The following ADGRD1 variants were observed in gnomAD, a reference collection of about 807,000 sequenced individuals.
ADGRD1 encodes G-protein coupled receptor 133.
Under a neutral mutation model 113.4 loss-of-function variants are expected in ADGRD1, and 77 were observed. The observed-to-expected ratio is 0.68, with a 90% CI of 0.57 to 0.82. ADGRD1 has a LOEUF of 0.82. Among genes scored for constraint, ADGRD1 ranks in the 40% least tolerant of loss-of-function variants. The pLI, the probability that ADGRD1 is intolerant of heterozygous loss-of-function variation, is 0.00. For missense variants in ADGRD1, 1,036 were observed against 1,139.1 expected (o/e 0.91, Z 1.30); for synonymous variants, 474 against 475.0 (o/e 1.00, Z 0.03).
rs1444852967 is a variant in ADGRD1, at chr12:131,017,361, CCAGTGCACA to C, written c.1473+3026_1473+3034del. Among the ~76,000 whole-genome samples, 293 of 143,922 alleles carry C rather than the reference CCAGTGCACA, an allele frequency of 2.0e-3. 15 individuals carry two copies. The highest frequency in any genetic ancestry group is 7.4e-3 in the African/African-American group (278 of 37,496). 94.4% of individuals were successfully genotyped at this position (143,922 alleles called of 152,430 possible). ...CCACACACACCCAGTCCACACACAC[CCAGTGCACA>C]CAGTCCACACACACCCAGTCCACAT... On this transcript the variant is annotated intron_variant, in intron 13 of 24. Transcript: ENST00000261654.
intron 13 of ADGRD1, among the ~76,000 whole-genome samples, chr12:131,046,437 GT>G (rs1422183923): frequency 9.6e-6 from 1 of 103,818 alleles, no homozygotes. Flanking sequence ...CCTGGTCAGT[GT>G]CCTCTCTCCC....
chr12:131,038,390 C>T (rs535040890), intron 13 of ADGRD1, among the ~76,000 whole-genome samples: 2 of 152,364 alleles, frequency 1.3e-5, no homozygotes, highest in African/African-American at 2.4e-5. Flanking sequence ...CTGCCACCTC[C>T]GGGTTGTTAG....
At position 131,084,434 on chromosome 12, in the gene ADGRD1, C is replaced by T. The variant is rs976302480; in HGVS notation, c.1548-106C>T. On this transcript the variant is annotated intron_variant, in intron 14 of 24. Coordinates refer to ENST00000261654, the MANE Select transcript of ADGRD1 (RefSeq NM_198827.5). The surrounding 1 kb of genome is among the most constrained non-coding windows in gnomAD (Gnocchi z 4.5). ...TTCCTGGCGTGGCAGGTGTGGGCGC[C>T]GCCATGAGTTCACGGGGCCATGTGT... The T allele has an allele frequency of 2.5e-5, 31 of 1,248,298 alleles. No homozygotes were observed. In the African/African-American group the frequency reaches 3.1e-4, roughly 12 times the overall value. 77.3% of individuals were successfully genotyped at this position (1,248,298 alleles called of 1,614,324 possible).
At chr12:130,959,909 T>G (rs971286754) in intron 2 of ADGRD1, among the ~76,000 whole-genome samples, 3 of 152,182 alleles carry the variant, frequency 2.0e-5, no homozygotes, top group Admixed American at 6.5e-5. Context: ...TGGGGACTAT[T>G]GAGCCACTTC....
rs538205441 is a variant in ADGRD1 at position 130,974,250 on chromosome 12, G to A, written c.310+2670G>A. Among the ~76,000 whole-genome samples the A allele has an allele frequency of 9.9e-5, 15 of 152,284 alleles. 1 individual carries two copies. In the East Asian group the frequency reaches 1.9e-3, roughly 20 times the overall value. ...CCTGCCCAGCATTTTCCAAATTAAA[G>A]TCCCTGTAGCAGGAGGCAGAGGAGG... On this transcript the variant is annotated intron_variant, in intron 4 of 24. Transcript: ENST00000261654.
chr12:131,086,847 G>A (rs1886497405), intron 15 of ADGRD1, among the ~76,000 whole-genome samples: 1 of 152,162 alleles, frequency 6.6e-6, no homozygotes, highest in Admixed American at 6.5e-5. Context: ...ATGTCACACT[G>A]TGAATTACTT....
chr12:131,068,102 C>A (rs1884866282), intron 13 of ADGRD1, among the ~76,000 whole-genome samples: 1 of 152,228 alleles, frequency 6.6e-6, no homozygotes, highest in South Asian at 2.1e-4. Flanking sequence ...AGACCTCAGC[C>A]ACTTTCCTGA....
At chr12:131,059,234 G>A (rs962695140) in intron 13 of ADGRD1, among the ~76,000 whole-genome samples, 1 of 152,100 alleles carries the variant, frequency 6.6e-6, no homozygotes, top group African/African-American at 2.4e-5. Flanking sequence ...GGAGTATAGT[G>A]ACGCCATCCT....
chr12:131,138,940 G>T (rs759213465), intron 24 of ADGRD1, among the ~76,000 whole-genome samples: 60 of 152,188 alleles, frequency 3.9e-4, no homozygotes, highest in Non-Finnish European at 7.9e-4. Flanking sequence ...CAGCACGCCT[G>T]CAGTGCCCTT....
At chr12:130,985,493 C>T (rs1873543749) in intron 5 of ADGRD1, among the ~76,000 whole-genome samples, 1 of 152,054 alleles carries the variant, frequency 6.6e-6, no homozygotes, top group Non-Finnish European at 1.5e-5. Flanking sequence ...TATAGTTTTG[C>T]ATTTTATATT....
intron 8 of ADGRD1, among the ~76,000 whole-genome samples, chr12:130,992,868 C>G (rs1020549246): frequency 3.9e-5 from 6 of 152,210 alleles, no homozygotes; most frequent in Admixed American, 3.9e-4. Flanking sequence ...TCTCTTTCTG[C>G]TCCTCCAAAT....
chr12:131,045,695 C>T (rs997176689), intron 13 of ADGRD1, among the ~76,000 whole-genome samples: 3 of 152,126 alleles, frequency 2.0e-5, no homozygotes, highest in African/African-American at 7.2e-5. Flanking sequence ...AAATCCACAG[C>T]GGAGTTGGGA....
chr12:131,071,740 A>G (rs1422404904), intron 13 of ADGRD1, among the ~76,000 whole-genome samples: 1 of 152,190 alleles, frequency 6.6e-6, no homozygotes, highest in Non-Finnish European at 1.5e-5. Flanking sequence ...AAGGCTCACC[A>G]GGGATGCGGG....
chr12:130,998,985 T>C (rs975458520), intron 8 of ADGRD1, among the ~76,000 whole-genome samples: 1 of 152,230 alleles, frequency 6.6e-6, no homozygotes, highest in Non-Finnish European at 1.5e-5. Context: ...TTCATATGGA[T>C]TCTGTGTTGA....
At position 131,108,724 on chromosome 12, in the gene ADGRD1, A is replaced by T. The variant is rs1282426310; in HGVS notation, c.1888A>T (p.Thr630Ser). The T allele has an allele frequency of 6.2e-7, 1 of 1,613,408 alleles. No homozygotes were observed. The highest frequency in any genetic ancestry group is 8.5e-7 in the Non-Finnish European group (1 of 1,179,882). ...LISFRLEPGT[T>S]PCQVMAVLLH... Reference sequence around the variant, plus strand: ...CTTCCCATCTCTGGTTAAATCCTAGACCCCCTGCCAAGTGATGGCCGTGCT... The same window carrying T: ...CTTCCCATCTCTGGTTAAATCCTAGTCCCCCTGCCAAGTGATGGCCGTGCT... The change falls in exon 18 of 25, where the codon ACC (threonine) becomes TCC (serine). Residue 630 changes from threonine (T) to serine (S), a missense_variant and splice_region_variant. Coordinates refer to ENST00000261654, the MANE Select transcript of ADGRD1 (RefSeq NM_198827.5).
At position 131,131,795 on chromosome 12, in the gene ADGRD1, A is replaced by G. The variant is rs372207677; in HGVS notation, c.2246A>G (p.His749Arg). The change falls in exon 21 of 25, where the codon CAT becomes CGT. Residue 749 changes from histidine (H) to arginine (R), a missense_variant. By Grantham distance (29) the His-to-Arg change is conservative. Coordinates refer to ENST00000261654, the MANE Select transcript of ADGRD1 (RefSeq NM_198827.5). ...ATCAGCGCCGACAACTACAAGATCCATGGAGACCCCAGTGCCTTCAAGTAA... is the reference window on the plus strand; with the variant it reads ...ATCAGCGCCGACAACTACAAGATCCGTGGAGACCCCAGTGCCTTCAAGTAA... ...SQISADNYKI[H>R]GDPSAFKLTA... 7 of 1,612,558 alleles carry G rather than the reference A, an allele frequency of 4.3e-6. No homozygotes were observed. Among genetic ancestry groups the G allele is most frequent in the Admixed American group, 3.3e-5 (2 of 59,976 alleles).
rs1593205848 is a variant in ADGRD1, at chr12:131,096,359, A to G, written c.1672-8472A>G. On this transcript the variant is annotated intron_variant, in intron 15 of 24. Coordinates refer to ENST00000261654, the MANE Select transcript of ADGRD1 (RefSeq NM_198827.5). This position sits in a 1 kb window ranked among gnomAD's most constrained non-coding sequence, Gnocchi z 5.2. ...CCTCCTGGGCTCCAGAGATCCTCCT[A>G]CCTCAGCCTCCCAAGCAGCTGAGAC... Among the ~76,000 whole-genome samples the G allele has an allele frequency of 6.6e-6, 1 of 151,934 alleles. No individual in the cohort carries two copies. The highest frequency in any genetic ancestry group is 2.4e-5 in the African/African-American group (1 of 41,370).
intron 8 of ADGRD1, among the ~76,000 whole-genome samples, chr12:130,996,605 CCGGG>C (rs1875417024): frequency 1.7e-5 from 2 of 118,584 alleles, no homozygotes; most frequent in Non-Finnish European, 3.7e-5. Flanking sequence ...GTAGGGGCGG[CCGGG>C]CAGAGGCGCC....
intron 12 of ADGRD1, among the ~76,000 whole-genome samples, chr12:131,007,615 T>C (rs1877300809): frequency 6.6e-6 from 1 of 152,196 alleles, no homozygotes; most frequent in Admixed American, 6.5e-5. Context: ...TGCAGGCCAC[T>C]GTGTCCCAGA....
Sources: gnomAD v4.1 joint callset for allele counts (sites outside exome capture counted in the v4.1 genomes callset) on GRCh38, gnomAD v4.1.1 for gene constraint, Gnocchi (gnomAD v3.1) non-coding constraint, MANE v1.5 for transcripts, NCBI Gene and HGNC (gene_info 2026-07-23, HGNC 2026-07-21) for gene names.